XPC: variants seen among roughly 807,000 people sequenced by gnomAD.
The protein encoded by XPC is XPC complex subunit, DNA damage recognition and repair factor.
A neutral mutation model predicts 95.8 loss-of-function variants in XPC; 76 were observed. The ratio of observed to expected loss-of-function variants is 0.79; its 90% CI spans 0.66 to 0.96. The LOEUF (loss-of-function observed/expected upper bound fraction) is 0.96, where lower values mean the gene tolerates loss of function less well. XPC is among the 40% of genes least tolerant of loss of function. The pLI is 0.00. For synonymous variants in XPC, 442 were observed against 442.1 expected (o/e 1.00, Z 0.00); for missense variants, 1,146 against 1,179.8 (o/e 0.97, Z 0.42).
At position 14,175,627 on chromosome 3, in the gene XPC, G is replaced by A. The variant is rs76562024; in HGVS notation, c.104-2565C>T. Among the ~76,000 whole-genome samples the A allele has an allele frequency of 7.8e-3, 1,184 of 152,320 alleles. 20 individuals are homozygous for A. The highest frequency in any genetic ancestry group is 0.025 in the African/African-American group (1,026 of 41,560). ...GGATATCACTGAAGGTGTTAACACA[G>A]AGAAGAAATGAAAAGAAACCAGAGG... On this transcript the variant is annotated intron_variant, in intron 1 of 15. Coordinates refer to ENST00000285021, the MANE Select transcript of XPC (RefSeq NM_004628.5).
intron 10 of XPC, among the ~76,000 whole-genome samples, chr3:14,155,688 C>A (rs1237302202): frequency 6.6e-6 from 1 of 151,956 alleles, no homozygotes; most frequent in Non-Finnish European, 1.5e-5. Context: ...CTCTCCGAGT[C>A]GCTGGGACTA....
intron 1 of XPC, 89 bp downstream of exon 1, chr3:14,178,377 G>A (rs1279678414): frequency 6.4e-6 from 9 of 1,412,180 alleles, no homozygotes; most frequent in Non-Finnish European, 8.4e-6. Context: ...CCTCCACCAG[G>A]CCTCCGCGTC....
chr3:14,147,985 C>A lies in XPC; in HGVS notation c.2437G>T (p.Val813Phe). 1 of 1,590,226 alleles carries A rather than the reference C, an allele frequency of 6.3e-7. No homozygotes were observed. Among genetic ancestry groups the A allele is most frequent in the Non-Finnish European group, 8.6e-7 (1 of 1,167,298 alleles). The change falls in exon 14 of 16, where the codon GTC becomes TTC. Residue 813 changes from valine (V) to phenylalanine (F), a missense_variant. By Grantham distance (50) the Val-to-Phe change is conservative. Coordinates refer to ENST00000285021, the MANE Select transcript of XPC (RefSeq NM_004628.5). ...YSHPVTDGYIVCEEFKDVLLT... is the reference protein window; with the variant it reads ...YSHPVTDGYIFCEEFKDVLLT... ...AGCACGTCTTTGAATTCCTCGCAGA[C>A]GATGTATCCATCAGTCCTGTGGGGA...
rs1695360664 is a variant in XPC at position 14,145,166 on chromosome 3, A to T, written c.*775T>A. 1 of 508,956 alleles carries T rather than the reference A, an allele frequency of 2.0e-6. No homozygotes were observed. Among genetic ancestry groups the T allele is most frequent in the Admixed American group, 3.6e-5 (1 of 27,664 alleles). 31.5% of individuals were successfully genotyped at this position (508,956 alleles called of 1,614,324 possible). ...CAAATCTTTAGATAAATGCTTTATT[A>T]TTTTCTCAAAATGTTATAAAAGTCA... On this transcript the variant is annotated 3_prime_UTR_variant, in exon 16 of 16. Transcript: ENST00000285021.
intron 13 of XPC, chr3:14,148,239 C>A: frequency 1.7e-6 from 1 of 580,762 alleles, no homozygotes; most frequent in Non-Finnish European, 3.0e-6. Flanking sequence ...TATCCAGCCT[C>A]ACCCATCATG....
rs1392386356 is a variant in XPC at position 14,146,244 on chromosome 3, C to T, written c.2605-85G>A. ...GCCCCATGAAGAGGCAGCAAGTTCCCAGCCTGCCCTAAGCTGTGTAACTCT... is the reference window on the plus strand; with the variant it reads ...GCCCCATGAAGAGGCAGCAAGTTCCTAGCCTGCCCTAAGCTGTGTAACTCT... On this transcript the variant is annotated intron_variant, in intron 15 of 15. Transcript: ENST00000285021. The T allele has an allele frequency of 3.9e-6, 5 of 1,268,684 alleles. No individual in the cohort carries two copies. The African/African-American group carries it at 5.9e-5, about 15-fold the overall frequency. 78.6% of individuals were successfully genotyped at this position (1,268,684 alleles called of 1,614,324 possible).
At chr3:14,150,213 C>T (rs560793757) in intron 11 of XPC, among the ~76,000 whole-genome samples, 1 of 152,336 alleles carries the variant, frequency 6.6e-6, no homozygotes, top group South Asian at 2.1e-4. Flanking sequence ...GACAGAGTCA[C>T]GTAACTCTTA....
At chr3:14,171,007 A>T (rs1410203414) in intron 2 of XPC, among the ~76,000 whole-genome samples, 1 of 152,172 alleles carries the variant, frequency 6.6e-6, no homozygotes, top group Non-Finnish European at 1.5e-5. Flanking sequence ...GGAGACTGAA[A>T]TTCATAGCAT....
chr3:14,156,243 T>G, intron 10 of XPC, 92 bp downstream of exon 10: 10 of 1,483,084 alleles, frequency 6.7e-6, no homozygotes, highest in Non-Finnish European at 9.1e-6. Context: ...TCCAGTCAGA[T>G]GAGCTCCCAT....
chr3:14,171,269 G>A (rs962144774), intron 2 of XPC, among the ~76,000 whole-genome samples: 1 of 152,022 alleles, frequency 6.6e-6, no homozygotes, highest in Non-Finnish European at 1.5e-5. Context: ...CTAGGATTTT[G>A]GTATAAACAT....
At chr3:14,153,181 G>C (rs547321833) in intron 10 of XPC, 2 of 152,376 alleles carry the variant, frequency 1.3e-5, no homozygotes, top group African/African-American at 4.8e-5. Context: ...CTTACCCACA[G>C]AGGAATCTGA....
At chr3:14,165,662 A>T (rs1696350326) in intron 5 of XPC, 77 bp from the exon 6 acceptor site, 2 of 1,546,394 alleles carry the variant, frequency 1.3e-6, no homozygotes, top group Admixed American at 3.7e-5. Context: ...GCCAAAGTCA[A>T]GACATGCTGT....
chr3:14,169,788 CA>C (rs1696537179), intron 3 of XPC, among the ~76,000 whole-genome samples: 1 of 152,140 alleles, frequency 6.6e-6, no homozygotes, highest in Non-Finnish European at 1.5e-5. Flanking sequence ...TTCAATGTGG[CA>C]AAATGTTAAT....
intron 11 of XPC, among the ~76,000 whole-genome samples, chr3:14,150,913 A>C (rs574453422): frequency 5.3e-5 from 8 of 152,294 alleles, no homozygotes; most frequent in Non-Finnish European, 8.8e-5. Context: ...ATCACTGTGC[A>C]CCATGGGGAG....
rs11339194 is a variant in XPC, at chr3:14,158,469, C to A, written c.1414G>T (p.Ala472Ser). 8 of 1,612,844 alleles carry A rather than the reference C, an allele frequency of 5.0e-6. No homozygotes were observed. In the East Asian group the frequency reaches 1.3e-4, roughly 27 times the overall value. Reference sequence around the variant, plus strand: ...GACCCAGCCTTTGTCCTCTGAGGAGCGGGGGCTTTCCTCTGCTTTGGAGGG... The same window carrying A: ...GACCCAGCCTTTGTCCTCTGAGGAGAGGGGGCTTTCCTCTGCTTTGGAGGG... ...PGPPKQRKAP[A>S]PQRTKAGSKS... is the part of the protein sequence containing the mutation. The change falls in exon 9 of 16, where the codon GCT becomes TCT. Residue 472 changes from alanine (A) to serine (S), a missense_variant. By Grantham distance (99) the Ala-to-Ser change is moderately conservative. Transcript: ENST00000285021. The surrounding 1 kb of genome is among the most constrained non-coding windows in gnomAD (Gnocchi z 5.2).
At chr3:14,168,960 G>A (rs1696502440) in intron 3 of XPC, among the ~76,000 whole-genome samples, 1 of 152,168 alleles carries the variant, frequency 6.6e-6, no homozygotes, top group Non-Finnish European at 1.5e-5. Context: ...AACTTCATTA[G>A]CAAAAGTTCC....
Position 14,158,827 on chromosome 3 carries a change from T to C in XPC, c.1056A>G (p.Gln352=), listed in dbSNP as rs371608900. 11 of 1,613,874 alleles carry C rather than the reference T, an allele frequency of 6.8e-6. No homozygotes were observed. The African/African-American group carries it at 1.2e-4, about 18-fold the overall frequency. The part of the protein sequence containing the change: ...DPGGSSETSS[Q]VLENHTKPKT... Reference sequence around the variant, plus strand: ...TTGGTTTGGTGTGGTTTTCTAGAACTTGGCTGGAAGTTTCTGAGGAGCCTC... The same window carrying C: ...TTGGTTTGGTGTGGTTTTCTAGAACCTGGCTGGAAGTTTCTGAGGAGCCTC... The change falls in exon 9 of 16, where the codon CAA becomes CAG. Residue 352 remains glutamine (Q), a synonymous_variant. Transcript: ENST00000285021. The surrounding 1 kb of genome is among the most constrained non-coding windows in gnomAD (Gnocchi z 5.2).
intron 10 of XPC, chr3:14,153,263 G>C (rs936028560): frequency 6.6e-6 from 1 of 152,210 alleles, no homozygotes; most frequent in Non-Finnish European, 1.5e-5. Context: ...TGGGCCACCT[G>C]GACAAGTCAC....
At chr3:14,174,261 T>C (rs1455424771) in intron 1 of XPC, among the ~76,000 whole-genome samples, 1 of 151,378 alleles carries the variant, frequency 6.6e-6, no homozygotes. Flanking sequence ...ATTTCAAAAT[T>C]AATTTTTTCA....
Sources: gnomAD v4.1 joint callset for allele counts (sites outside exome capture counted in the v4.1 genomes callset) on GRCh38, gnomAD v4.1.1 for gene constraint, Gnocchi (gnomAD v3.1) non-coding constraint, MANE v1.5 for transcripts, NCBI Gene and HGNC (gene_info 2026-07-23, HGNC 2026-07-21) for gene names.